Variants in FCER1A observed in about 807,000 individuals in gnomAD.
FCER1A encodes the protein Fc epsilon receptor Ia, also known as high affinity immunoglobulin epsilon receptor subunit alpha.
In FCER1A, 24 loss-of-function variants were observed where a neutral mutation model predicts 23.6. That is an observed-to-expected ratio of 1.02 (90% CI 0.74 to 1.43). The LOEUF (loss-of-function observed/expected upper bound fraction) is 1.43, where lower values mean the gene tolerates loss of function less well. Ranked by LOEUF, FCER1A falls within the 40% of genes most tolerant of loss-of-function variation. The pLI is 0.00. For missense variants in FCER1A, 318 were observed against 294.5 expected (o/e 1.08, Z -0.58); for synonymous variants, 121 against 108.8 (o/e 1.11, Z -0.70).
rs764816198 is a variant in FCER1A, at chr1:159,307,920, CA to C, written c.767del (p.Asn256ThrfsTer42). The C allele has an allele frequency of 4.4e-6, 7 of 1,589,796 alleles. No homozygotes were observed. The highest frequency in any genetic ancestry group is 3.4e-5 in the South Asian group (3 of 88,290). ...LLNPHPKPNP[K>X]NN ...TGAACCCACATCCTAAGCCAAACCC[CA>C]AAAACAACTGATATAATTACTCAAG... On this transcript the variant is annotated frameshift_variant, in exon 5 of 5. Transcript: ENST00000693622. LOFTEE classifies it high-confidence loss of function.
upstream of FCER1A, among the ~76,000 whole-genome samples, chr1:159,287,862 A>C (rs1031889666): frequency 6.6e-6 from 1 of 151,442 alleles, no homozygotes; most frequent in Non-Finnish European, 1.5e-5. Flanking sequence ...TAACATCTTG[A>C]TATAATAATC....
At chr1:159,303,765 C>T (rs1200236969) in intron 2 of FCER1A, among the ~76,000 whole-genome samples, 163 bp from the exon 3 acceptor site, 1 of 152,198 alleles carries the variant, frequency 6.6e-6, no homozygotes, top group Admixed American at 6.5e-5. Context: ...ATACTAATTT[C>T]TCCTTCCCCT....
chr1:159,296,686 C>A lies in FCER1A; in HGVS notation c.-59-5620C>A, dbSNP rs1253505821. Among the ~76,000 whole-genome samples, 3 of 152,176 alleles carry A rather than the reference C, an allele frequency of 2.0e-5. No individual in the cohort carries two copies. In the East Asian group the frequency reaches 5.8e-4, roughly 29 times the overall value. ...AGAATCAGGCCAATTATTTAGTATG[C>A]AAGGCTGCCTTCAGTATTGCAGGGC... On this transcript the variant is annotated intron_variant, in intron 1 of 5. Transcript: ENST00000368115.
chr1:159,304,112 C>T lies in FCER1A; in HGVS notation c.261C>T (p.Asp87=), dbSNP rs1652525792. 1.2e-6 allele frequency: 2 copies of T among 1,613,546 alleles called. No homozygotes were observed. The highest frequency in any genetic ancestry group is 2.7e-5 in the African/African-American group (2 of 74,906). ...ATATTGTGAATGCCAAATTTGAAGA[C>T]AGTGGAGAATACAAATGTCAGCACC... ...SLNIVNAKFE[D]SGEYKCQHQQ... The change falls in exon 3 of 5, where the codon GAC becomes GAT. Residue 87 remains aspartate, a synonymous_variant. Transcript: ENST00000693622.
chr1:159,285,073 T>C (rs1016136247), upstream of FCER1A, among the ~76,000 whole-genome samples: 1 of 152,268 alleles, frequency 6.6e-6, no homozygotes, highest in Middle Eastern at 3.4e-3. Context: ...TAATTTTTGT[T>C]GTGTGTGTAC....
intron 1 of FCER1A, among the ~76,000 whole-genome samples, chr1:159,293,904 C>T (rs566997333): frequency 2.3e-4 from 35 of 151,730 alleles, no homozygotes; most frequent in African/African-American, 5.8e-4. Context: ...AAAAAGTGGG[C>T]GAAGGACATG....
intron 1 of FCER1A, among the ~76,000 whole-genome samples, chr1:159,291,445 G>T (rs1391065268): frequency 1.3e-5 from 2 of 152,078 alleles, no homozygotes; most frequent in Admixed American, 1.3e-4. Flanking sequence ...TCCTCTCAAA[G>T]ACTTGTTAGT....
chr1:159,300,318 C>G (rs1318817650), upstream of FCER1A, among the ~76,000 whole-genome samples: 1 of 152,104 alleles, frequency 6.6e-6, no homozygotes, highest in East Asian at 1.9e-4. Flanking sequence ...AAATGACTCT[C>G]TCTGAGGGAC....
chr1:159,287,541 T>TC (rs1652049135), upstream of FCER1A, among the ~76,000 whole-genome samples: 1 of 152,010 alleles, frequency 6.6e-6, no homozygotes, highest in Non-Finnish European at 1.5e-5. Flanking sequence ...ATTGGTGGTT[T>TC]CCACAAAGGA....
upstream of FCER1A, among the ~76,000 whole-genome samples, chr1:159,297,338 T>C (rs2102222687): frequency 6.6e-6 from 1 of 152,318 alleles, no homozygotes; most frequent in African/African-American, 2.4e-5. Flanking sequence ...GAACAAGGTT[T>C]TGCCTTCTGG....
At chr1:159,302,509 T>C (rs575162149) in intron 1 of FCER1A, 90 bp downstream of exon 1, 2 of 920,900 alleles carry the variant, frequency 2.2e-6, no homozygotes, top group South Asian at 1.3e-5. Context: ...GGTGGTGACT[T>C]TTTCTAGGAC....
upstream of FCER1A, among the ~76,000 whole-genome samples, chr1:159,300,812 T>A (rs1412086609): frequency 1.3e-5 from 2 of 152,190 alleles, no homozygotes; most frequent in Non-Finnish European, 2.9e-5. Context: ...TCTCATAATA[T>A]AACCATGACC....
At chr1:159,298,774 G>T (rs79328647), upstream of FCER1A, among the ~76,000 whole-genome samples, 443 of 152,334 alleles carry the variant, frequency 2.9e-3, 18 homozygotes, top group East Asian at 0.075. Flanking sequence ...TTGTGTGGCT[G>T]TGAGTTGAGA....
chr1:159,302,864 C>A lies in FCER1A; in HGVS notation c.66C>A (p.Gly22=). 6.2e-7 allele frequency: 1 copy of A among 1,613,764 alleles called. No homozygotes were observed. Among genetic ancestry groups the A allele is most frequent in the Non-Finnish European group, 8.5e-7 (1 of 1,179,644 alleles). The change falls in exon 2 of 5, where the codon GGC becomes GGA. Residue 22 remains glycine (G), a synonymous_variant. Coordinates refer to ENST00000693622, the MANE Select transcript of FCER1A (RefSeq NM_001387280.1). ...TCTGGACTTTTGCAGCTCCAGATGG[C>A]GTGTTAGCAGGTGAGTCCTCTGTTC... ...CVALLFFAPD[G]VLAVPQKPKV...
At chr1:159,298,528 A>T (rs772685125), upstream of FCER1A, among the ~76,000 whole-genome samples, 2 of 152,200 alleles carry the variant, frequency 1.3e-5, no homozygotes, top group Non-Finnish European at 2.9e-5. Context: ...TCAAGACAAG[A>T]AGTAAAAAAT....
intron 2 of FCER1A, among the ~76,000 whole-genome samples, chr1:159,303,420 A>G (rs1652497363): frequency 6.6e-6 from 1 of 151,646 alleles, no homozygotes; most frequent in Non-Finnish European, 1.5e-5. Flanking sequence ...TGGAACTGAC[A>G]TATGTTTTTC....
chr1:159,301,281 A>C (rs1044496057), upstream of FCER1A, among the ~76,000 whole-genome samples: 4 of 152,220 alleles, frequency 2.6e-5, no homozygotes, highest in Non-Finnish European at 5.9e-5. Flanking sequence ...ACAAGCCACT[A>C]TAGACATTAA....
intron 1 of FCER1A, among the ~76,000 whole-genome samples, chr1:159,293,801 C>T (rs904483203): frequency 1.3e-5 from 2 of 151,786 alleles, no homozygotes; most frequent in Non-Finnish European, 2.9e-5. Flanking sequence ...CACTGTTGGA[C>T]ATTTGCAACC....
chr1:159,284,410 C>G, the FCER1A span, among the ~76,000 whole-genome samples: 1 of 152,222 alleles, frequency 6.6e-6, no homozygotes, highest in Non-Finnish European at 1.5e-5. Context: ...CTCAGCACAT[C>G]CTTCTCCATT....
Sources: gnomAD v4.1 joint callset for allele counts (sites outside exome capture counted in the v4.1 genomes callset) on GRCh38, gnomAD v4.1.1 for gene constraint, MANE v1.5 for transcripts, NCBI Gene and HGNC (gene_info 2026-07-23, HGNC 2026-07-21) for gene names.